Variants in PSG1 observed in about 807,000 individuals in gnomAD.
PSG1 encodes the protein pregnancy-specific beta-1-glycoprotein 1.
Under a neutral mutation model 41.4 loss-of-function variants are expected in PSG1, and 60 were observed. The observed-to-expected ratio is 1.45, with a 90% CI of 1.18 to 1.80. PSG1 has a LOEUF of 1.80. PSG1 is among the 40% of genes most tolerant of loss of function. PSG1 has a pLI of 0.00. For synonymous variants in PSG1, 256 were observed against 192.9 expected (o/e 1.33, Z -2.71); for missense variants, 806 against 516.9 (o/e 1.56, Z -5.42).
intron 3 of PSG1, chr19:42,869,307 GCCCCTGGTAC>G (rs1971281201): frequency 1.4e-6 from 1 of 709,316 alleles, no homozygotes; most frequent in Non-Finnish European, 2.2e-6. Flanking sequence ...GGGAGTCACA[GCCCCTGGTAC>G]CCTTCCCAGG....
In PSG1 at chr19:42,866,684, G is replaced by A. The variant is rs1303586281; in HGVS notation, c.*450C>T. The A allele has an allele frequency of 1.1e-5, 4 of 349,916 alleles. No individual in the cohort carries two copies. Among genetic ancestry groups the A allele is most frequent in the Non-Finnish European group, 2.1e-5 (4 of 187,238 alleles). The allele number at this position is 349,916 out of a possible 1,614,324, so 21.7% of individuals were successfully genotyped here. On this transcript the variant is annotated 3_prime_UTR_variant, in exon 6 of 6. Coordinates refer to ENST00000436291, the MANE Select transcript of PSG1 (RefSeq NM_001184825.2). ...CTATTGGGAGCCCTGTATGCAAGGT[G>A]GAGAGAGCCACATTTCCCCCTGAGA...
At chr19:42,870,849 T>A (rs1971352695) in intron 3 of PSG1, among the ~76,000 whole-genome samples, 1 of 151,768 alleles carries the variant, frequency 6.6e-6, no homozygotes, top group East Asian at 1.9e-4. Context: ...AAATATTTTA[T>A]TCCTTTTGAT....
intron 2 of PSG1, among the ~76,000 whole-genome samples, chr19:42,876,560 G>A (rs1324739697): frequency 2.6e-5 from 4 of 151,582 alleles, no homozygotes; most frequent in Admixed American, 1.3e-4. Context: ...GCTCCTGAGT[G>A]TGTGTCTCTC....
chr19:42,873,320 C>T (rs1600503500), intron 2 of PSG1, among the ~76,000 whole-genome samples: 2 of 151,608 alleles, frequency 1.3e-5, no homozygotes, highest in Admixed American at 1.3e-4. Context: ...ATCCACAATG[C>T]GCCAGTGAGC....
In PSG1 at chr19:42,879,528, G is replaced by T. The variant is rs1141653; in HGVS notation, c.54C>A (p.Leu18=). The change falls in exon 1 of 6, where the codon CTC becomes CTA. Residue 18 remains leucine, a synonymous_variant. Transcript: ENST00000436291. ...AAGTTCTCTCCTCACCTGTGAGCAG[G>T]AGCCCCTTCCATTTGATGCGCTGTG... ...PCTQRIKWKG[L]LLTASLLNFW... is the part of the protein sequence containing the mutation. The T allele has an allele frequency of 0.15, 236,911 of 1,603,450 alleles. 29,541 individuals carry two copies. The highest frequency in any genetic ancestry group is 0.44 in the African/African-American group (32,881 of 74,226).
At position 42,878,142 on chromosome 19, in the gene PSG1, C is replaced by A. The variant is rs755813777; in HGVS notation, c.201G>T (p.Trp67Cys). Residue 67 changes from tryptophan to cysteine, a missense_variant, in exon 2 of 6, where the codon TGG becomes TGT. Physicochemically the swap from Trp to Cys is radical, Grantham distance 215. Transcript: ENST00000436291. ...NLPQNLTGYI[W>C]YKGQMRDLYH... ...AGAGGTCCCTCATTTGCCCTTTGTA[C>A]CAGATGTAGCCGGTAAGATTCTGGG... 3.7e-6 allele frequency: 6 copies of A among 1,612,126 alleles called. 1 individual carries two copies. The highest frequency in any genetic ancestry group is 5.1e-6 in the Non-Finnish European group (6 of 1,179,182).
chr19:42,870,763 G>A lies in PSG1; in HGVS notation c.709+1004C>T, dbSNP rs185171739. On this transcript the variant is annotated intron_variant, in intron 3 of 5. Coordinates refer to ENST00000436291, the MANE Select transcript of PSG1 (RefSeq NM_001184825.2). The stretch of plus-strand genomic sequence containing the variant: ...AAATGTCTTTCCATATATTGATATC[G>A]TCTTTAATTTCTTTCAGCAATGGTT... 1.4e-4 allele frequency: 21 copies of A among 151,556 alleles called. 2 individuals are homozygous for A. The highest frequency in any genetic ancestry group is 3.9e-4 in the African/African-American group (16 of 41,298). 9.4% of individuals were successfully genotyped at this position (151,556 alleles called of 1,614,324 possible).
In PSG1 at chr19:42,871,934, C is replaced by T. The variant is rs771964884; in HGVS notation, c.542G>A (p.Trp181Ter). 2.5e-6 allele frequency: 4 copies of T among 1,612,428 alleles called. No individual in the cohort carries two copies. Among genetic ancestry groups the T allele is most frequent in the Middle Eastern group, 1.7e-4 (1 of 6,058 alleles). Residue 181 changes from tryptophan (W) to a stop codon, truncating the protein, a stop_gained, in exon 3 of 6, where the codon TGG (tryptophan) becomes TAG (stop). Coordinates refer to ENST00000436291, the MANE Select transcript of PSG1 (RefSeq NM_001184825.2). LOFTEE classifies it high-confidence loss of function. ...CATAGGGAGGCTCTGACCATTCATCCACCACAGGTAGCTTGCGTCTGGAGT... is the reference window on the plus strand; with the variant it reads ...CATAGGGAGGCTCTGACCATTCATCTACCACAGGTAGCTTGCGTCTGGAGT... ...PETPDASYLW[W>*]MNGQSLPMTH... is the part of the protein sequence containing the mutation.
intron 3 of PSG1, among the ~76,000 whole-genome samples, chr19:42,871,291 G>T (rs1402056228): frequency 1.3e-5 from 2 of 151,698 alleles, no homozygotes; most frequent in Non-Finnish European, 2.9e-5. Flanking sequence ...CTGTGAGGCA[G>T]GAGAGCTTGG....
intron 2 of PSG1, chr19:42,876,948 C>T (rs1292399896): frequency 1.3e-5 from 2 of 151,626 alleles, no homozygotes; most frequent in African/African-American, 4.9e-5. Context: ...CTGATCTCCC[C>T]TTTGTGTTTG....
intron 5 of PSG1, chr19:42,867,765 G>A: frequency 1.0e-6 from 1 of 972,036 alleles, no homozygotes; most frequent in Admixed American, 2.2e-5. Flanking sequence ...GATTAAAAGA[G>A]AAAAATTCCA....
At chr19:42,868,009 G>T in intron 5 of PSG1, 92 bp downstream of exon 5, 3 of 1,609,392 alleles carry the variant, frequency 1.9e-6, no homozygotes, top group Admixed American at 1.7e-5. Context: ...TGGGACACAG[G>T]CTGGGAATAC....
In PSG1 at chr19:42,868,971, A is replaced by T; in HGVS notation, c.773T>A (p.Leu258Ter). ...ACTCTTAGGTTCACAGGTGAAGTTT[A>T]AGACATCCTTATTCTCCCTGGGGTT... ...NLNPRENKDV[L>*]NFTCEPKSEN... is the part of the protein sequence containing the mutation. Residue 258 changes from leucine (L) to a stop codon, truncating the protein, a stop_gained, in exon 4 of 6, where the codon TTA becomes TAA. Coordinates refer to ENST00000436291, the MANE Select transcript of PSG1 (RefSeq NM_001184825.2). LOFTEE classifies it high-confidence loss of function. The T allele has an allele frequency of 6.2e-7, 1 of 1,610,614 alleles. No individual in the cohort carries two copies. Among genetic ancestry groups the T allele is most frequent in the South Asian group, 1.1e-5 (1 of 90,742 alleles).
At chr19:42,879,106 T>C (rs572807065) in intron 1 of PSG1, among the ~76,000 whole-genome samples, 51 of 151,608 alleles carry the variant, frequency 3.4e-4, no homozygotes, top group African/African-American at 8.9e-4. Context: ...CTCTGGTGTA[T>C]TTTCCCCTAT....
chr19:42,874,226 C>T (rs1438106069), intron 2 of PSG1: 1 of 151,808 alleles, frequency 6.6e-6, no homozygotes, highest in Non-Finnish European at 1.5e-5. Flanking sequence ...TTTCCCCACT[C>T]TTTTTGAACT....
intron 2 of PSG1, chr19:42,874,106 A>G (rs1971506069): frequency 2.6e-5 from 4 of 151,738 alleles, no homozygotes; most frequent in Admixed American, 1.3e-4. Context: ...CGGTATTCCC[A>G]TTACGTGTAC....
chr19:42,879,217 A>G (rs1238883721), intron 1 of PSG1, among the ~76,000 whole-genome samples: 1 of 143,628 alleles, frequency 7.0e-6, no homozygotes, highest in Non-Finnish European at 1.5e-5. Context: ...CGGTGGTGCT[A>G]TCTCAGCTAT....
chr19:42,875,166 C>A lies in PSG1; in HGVS notation c.430+2747G>T, dbSNP rs759977884. Among the ~76,000 whole-genome samples, 11 of 151,768 alleles carry A rather than the reference C, an allele frequency of 7.2e-5. 2 individuals are homozygous for A. Among genetic ancestry groups the A allele is most frequent in the Non-Finnish European group, 1.3e-4 (9 of 67,936 alleles). On this transcript the variant is annotated intron_variant, in intron 2 of 5. Transcript: ENST00000436291. Reference sequence around the variant, plus strand: ...CATCTGGCATCTAGTCTCAGGCTGGCTGTCCTCACTCATTCCTGGGCATAG... The same window carrying A: ...CATCTGGCATCTAGTCTCAGGCTGGATGTCCTCACTCATTCCTGGGCATAG...
At chr19:42,875,799 A>G (rs949683201) in intron 2 of PSG1, among the ~76,000 whole-genome samples, 1 of 149,026 alleles carries the variant, frequency 6.7e-6, no homozygotes, top group African/African-American at 2.5e-5. Context: ...CGCCATTTCA[A>G]TTATTTTATT....
Sources: gnomAD v4.1 joint callset for allele counts (sites outside exome capture counted in the v4.1 genomes callset) on GRCh38, gnomAD v4.1.1 for gene constraint, MANE v1.5 for transcripts, NCBI Gene and HGNC (gene_info 2026-07-23, HGNC 2026-07-21) for gene names.